CLASP1: variants seen among roughly 807,000 people sequenced by gnomAD.
The protein encoded by CLASP1 is CLIP-associating protein 1.
CLASP1 carries 38 observed loss-of-function variants against 192.3 expected under a neutral mutation model. That is an observed-to-expected ratio of 0.20 (90% CI 0.15 to 0.26). The LOEUF is 0.26. Ranked by LOEUF, CLASP1 falls within the 10% of genes least tolerant of loss-of-function variation. CLASP1 has a pLI of 1.00. For missense variants in CLASP1, 1,433 were observed against 1,932.5 expected (o/e 0.74, Z 4.85); for synonymous variants, 691 against 712.8 (o/e 0.97, Z 0.49).
intron 34 of CLASP1, among the ~76,000 whole-genome samples, chr2:121,376,774 A>T (rs1281368054): frequency 6.6e-6 from 1 of 152,166 alleles, no homozygotes; most frequent in Non-Finnish European, 1.5e-5. Flanking sequence ...CTCCTGTCAG[A>T]TCAATGGCAG....
At chr2:121,601,004 T>C (rs972493720) in intron 2 of CLASP1, among the ~76,000 whole-genome samples, 5 of 152,238 alleles carry the variant, frequency 3.3e-5, no homozygotes, top group African/African-American at 1.2e-4. Context: ...AAGGTTTCCT[T>C]CCCCCAAGTG....
intron 7 of CLASP1, among the ~76,000 whole-genome samples, chr2:121,508,292 A>G (rs1559471167): frequency 6.6e-6 from 1 of 152,212 alleles, no homozygotes; most frequent in Non-Finnish European, 1.5e-5. Flanking sequence ...AATAGTATCA[A>G]TTTAAACTAG....
chr2:121,397,980 T>A (rs906086852), intron 29 of CLASP1, among the ~76,000 whole-genome samples: 1 of 152,242 alleles, frequency 6.6e-6, no homozygotes, highest in African/African-American at 2.4e-5. Flanking sequence ...AATGTCTTAA[T>A]TTTCTAGTTT....
intron 18 of CLASP1, among the ~76,000 whole-genome samples, chr2:121,447,782 G>T (rs1351047963): frequency 6.6e-6 from 1 of 152,118 alleles, no homozygotes; most frequent in African/African-American, 2.4e-5. Flanking sequence ...CCATGTTTCT[G>T]CTTACTACGA....
chr2:121,572,439 A>G (rs1354911554), intron 2 of CLASP1, among the ~76,000 whole-genome samples: 1 of 152,158 alleles, frequency 6.6e-6, no homozygotes, highest in Non-Finnish European at 1.5e-5. Flanking sequence ...AAAAATAAAA[A>G]AGACGACATT....
At position 121,404,445 on chromosome 2, in the gene CLASP1, T is replaced by C. The variant is rs772945173; in HGVS notation, c.2670-11A>G. ...TTCAGTTCAACTCGACTAGAAGAAA[T>C]AAAACAGAAATCAATGAATTTACTA... is the stretch of plus-strand genomic sequence containing the variant. On this transcript the variant is annotated splice_polypyrimidine_tract_variant and intron_variant, in intron 25 of 39. Coordinates refer to ENST00000263710, the Ensembl canonical transcript of CLASP1. The C allele has an allele frequency of 6.2e-6, 10 of 1,603,962 alleles. No individual in the cohort carries two copies. In the South Asian group the frequency reaches 1.0e-4, roughly 16 times the overall value.
At chr2:121,606,450 A>C (rs2064426515) in intron 1 of CLASP1, among the ~76,000 whole-genome samples, 1 of 152,230 alleles carries the variant, frequency 6.6e-6, no homozygotes, top group South Asian at 2.1e-4. Context: ...TAAATGCACC[A>C]GACAGGAAAG....
At chr2:121,354,693 G>C (rs1170265798) in intron 37 of CLASP1, among the ~76,000 whole-genome samples, 1 of 152,136 alleles carries the variant, frequency 6.6e-6, no homozygotes, top group Non-Finnish European at 1.5e-5. Flanking sequence ...GAAACAAAAG[G>C]TCAGAAAACA....
rs552453618 is a variant in CLASP1 at position 121,495,089 on chromosome 2, G to A, written c.712+8078C>T. On this transcript the variant is annotated intron_variant, in intron 8 of 39. Transcript: ENST00000263710. ...TGTAATCCCAACACTTTGGGAGGCC[G>A]AGGCGGGCGGATCACAAGGTCAGGA... is the stretch of plus-strand genomic sequence containing the variant. Among the ~76,000 whole-genome samples, 91 of 152,150 alleles carry A rather than the reference G, an allele frequency of 6.0e-4. No homozygotes were observed. The South Asian group carries it at 0.016, about 27-fold the overall frequency.
chr2:121,414,661 A>G (rs1447687388), intron 23 of CLASP1, among the ~76,000 whole-genome samples: 1 of 152,266 alleles, frequency 6.6e-6, no homozygotes, highest in Non-Finnish European at 1.5e-5. Flanking sequence ...AAACAAGCAT[A>G]GAAGTTCATA....
At chr2:121,614,205 G>C (rs924087090) in intron 1 of CLASP1, among the ~76,000 whole-genome samples, 3 of 152,222 alleles carry the variant, frequency 2.0e-5, no homozygotes, top group Admixed American at 2.0e-4. Context: ...CGCATTAAAA[G>C]TGTGAGGAAG....
At chr2:121,410,253 T>A (rs554901604) in intron 24 of CLASP1, among the ~76,000 whole-genome samples, 1 of 152,306 alleles carries the variant, frequency 6.6e-6, no homozygotes, top group East Asian at 1.9e-4. Context: ...AAGCTGATTC[T>A]ACTAGGAAAC....
intron 7 of CLASP1, among the ~76,000 whole-genome samples, chr2:121,512,320 A>T (rs2094161571): frequency 6.6e-6 from 1 of 152,242 alleles, no homozygotes; most frequent in Non-Finnish European, 1.5e-5. Flanking sequence ...GAATGTCAAG[A>T]TATGCTAAAA....
intron 1 of CLASP1, among the ~76,000 whole-genome samples, chr2:121,612,373 G>T (rs113760538): frequency 0.038 from 5,774 of 151,750 alleles, 157 homozygotes; most frequent in East Asian, 0.14. Flanking sequence ...GGAGAAAGAG[G>T]AACTGGAGAA....
intron 24 of CLASP1, 92 bp from the exon 26 acceptor site, chr2:121,407,807 A>C (rs763564990): frequency 7.0e-7 from 1 of 1,429,488 alleles, no homozygotes; most frequent in Admixed American, 1.7e-5. Flanking sequence ...TACAACAAAG[A>C]GTTAAGTGTA....
At chr2:121,479,036 C>A (rs1272068039) in intron 8 of CLASP1, among the ~76,000 whole-genome samples, 1 of 87,612 alleles carries the variant, frequency 1.1e-5, no homozygotes, top group African/African-American at 5.0e-5. Context: ...ACACACCCCA[C>A]ACACACACAC....
chr2:121,448,192 T>G, intron 18 of CLASP1, 84 bp downstream of exon 18: 1 of 1,228,512 alleles, frequency 8.1e-7, no homozygotes, highest in Non-Finnish European at 1.2e-6. Flanking sequence ...GCCGTTGGCC[T>G]CCTGTGCCTG....
intron 1 of CLASP1, among the ~76,000 whole-genome samples, chr2:121,645,324 AG>A (rs2072984594): frequency 6.6e-6 from 1 of 152,206 alleles, no homozygotes; most frequent in Non-Finnish European, 1.5e-5. Context: ...CGTGAAAGGG[AG>A]GGAGCAGACT....
intron 8 of CLASP1, among the ~76,000 whole-genome samples, chr2:121,483,512 G>GTATA (rs746707741): frequency 6.6e-6 from 1 of 151,086 alleles, no homozygotes; most frequent in Non-Finnish European, 1.5e-5. Context: ...ATATATGTAT[G>GTATA]TATATATGTG....
Sources: allele counts gnomAD v4.1 joint callset (sites outside exome capture counted in the v4.1 genomes callset), GRCh38; gene constraint gnomAD v4.1.1; transcripts MANE v1.5; gene names NCBI Gene and HGNC (gene_info 2026-07-23, HGNC 2026-07-21).